Variants in ASGR1 observed in about 807,000 individuals in gnomAD.
The protein encoded by ASGR1 is asialoglycoprotein receptor 1.
Under a neutral mutation model 33.1 loss-of-function variants are expected in ASGR1, and 35 were observed. The observed-to-expected ratio is 1.06, with a 90% CI of 0.81 to 1.40. The LOEUF (loss-of-function observed/expected upper bound fraction) is 1.40, where lower values mean the gene tolerates loss of function less well. Among genes scored for constraint, ASGR1 ranks in the 40% most tolerant of loss-of-function variants. The pLI is 0.00. For missense variants in ASGR1, 396 were observed against 373.7 expected (o/e 1.06, Z -0.49); for synonymous variants, 142 against 152.5 (o/e 0.93, Z 0.51).
chr17:7,173,963 G>T lies in ASGR1; in HGVS notation c.699C>A (p.Phe233Leu). 1.9e-6 allele frequency: 3 copies of T among 1,614,184 alleles called. No homozygotes were observed. The highest frequency in any genetic ancestry group is 2.5e-6 in the Non-Finnish European group (3 of 1,179,982). The change falls in exon 8 of 9, where the codon TTC (phenylalanine) becomes TTA (leucine). Residue 233 changes from phenylalanine (F) to leucine (L), a missense_variant and splice_region_variant. Phe to Leu is a conservative substitution (Grantham distance 22, BLOSUM62 0). Transcript: ENST00000269299. This position sits in a 1 kb window ranked among gnomAD's most constrained non-coding sequence, Gnocchi z 4.7. ...GCCGAGGGAGGGCGCGCACTCACTT[G>T]AAGCCCGTCTCGTAGTCCGTCCCGT... Reference protein sequence around the residue: ...WVDGTDYETGFKNWRPEQPDD... With the variant: ...WVDGTDYETGLKNWRPEQPDD...
intron 5 of ASGR1, among the ~76,000 whole-genome samples, chr17:7,176,034 C>CCA (rs540248894): frequency 0.011 from 991 of 92,432 alleles, 9 homozygotes; most frequent in African/African-American, 0.037. Context: ...GTACACACAC[C>CCA]CACTCCCTCA....
Position 7,173,654 on chromosome 17 carries a change from ATAAAT to A in ASGR1, c.876_*4del. ...TGCGGCAGGTCGAGGCATTGAAGAA[ATAAAT>A]TAAAGGAGAGGTGGCTCCTGGCTGG... On this transcript the variant is annotated stop_lost and 3_prime_UTR_variant, in exon 9 of 9. Coordinates refer to ENST00000269299, the MANE Select transcript of ASGR1 (RefSeq NM_001671.5). This position sits in a 1 kb window ranked among gnomAD's most constrained non-coding sequence, Gnocchi z 4.7. 4 of 1,612,926 alleles carry A rather than the reference ATAAAT, an allele frequency of 2.5e-6. No homozygotes were observed. In the South Asian group the frequency reaches 3.3e-5, roughly 13 times the overall value.
chr17:7,173,469 T>G lies in ASGR1; in HGVS notation c.*190A>C. The G allele has an allele frequency of 1.4e-6, 1 of 736,532 alleles. No homozygotes were observed. The highest frequency in any genetic ancestry group is 2.8e-5 in the East Asian group (1 of 36,252). 45.6% of individuals were successfully genotyped at this position (736,532 alleles called of 1,614,324 possible). A position where few individuals can be genotyped will look rare whatever the true frequency, so the allele number is the denominator to read the frequency against. On this transcript the variant is annotated 3_prime_UTR_variant, in exon 9 of 9. Coordinates refer to ENST00000269299, the MANE Select transcript of ASGR1 (RefSeq NM_001671.5). The surrounding 1 kb of genome is among the most constrained non-coding windows in gnomAD (Gnocchi z 4.7). The stretch of plus-strand genomic sequence containing the variant: ...CTTTTTACTCTTAAAAAAAAAAAGT[T>G]CACAATGATAACCTGCAAACTGCAG...
intron 5 of ASGR1, chr17:7,176,509 A>G: frequency 2.2e-6 from 1 of 456,408 alleles, no homozygotes; most frequent in South Asian, 2.3e-5. Flanking sequence ...ACACTCAGAC[A>G]CACACCCCCT....
chr17:7,176,008 A>G (rs1003510204), intron 5 of ASGR1, among the ~76,000 whole-genome samples: 1 of 118,418 alleles, frequency 8.4e-6, no homozygotes, highest in Non-Finnish European at 1.6e-5. Flanking sequence ...TCACACATAA[A>G]CACAGACTCA....
In ASGR1 at chr17:7,173,528, G is replaced by C; in HGVS notation, c.*131C>G. On this transcript the variant is annotated 3_prime_UTR_variant, in exon 9 of 9. Coordinates refer to ENST00000269299, the MANE Select transcript of ASGR1 (RefSeq NM_001671.5). This position sits in a 1 kb window ranked among gnomAD's most constrained non-coding sequence, Gnocchi z 4.7. ...ACGGGTTTCAAGCTCCTCACCTTCG[G>C]AACATCACCCTATCCTTCCCCTTCC... 1 of 1,290,572 alleles carries C rather than the reference G, an allele frequency of 7.7e-7. No individual in the cohort carries two copies. The allele number at this position is 1,290,572 out of a possible 1,614,324, so 79.9% of individuals were successfully genotyped here. A position where few individuals can be genotyped will look rare whatever the true frequency, so the allele number is the denominator to read the frequency against.
chr17:7,176,722 CCT>C (rs1456082463), intron 5 of ASGR1, 106 bp downstream of exon 5: 33 of 1,464,392 alleles, frequency 2.3e-5, no homozygotes, highest in South Asian at 6.0e-5. Context: ...ACACACACTC[CCT>C]CTCATTCTCA....
chr17:7,176,680 T>TC (rs533646735), intron 5 of ASGR1, 150 bp downstream of exon 5: 4 of 1,119,620 alleles, frequency 3.6e-6, no homozygotes, highest in Non-Finnish European at 3.7e-6. Context: ...CAAAACACAC[T>TC]CCCCCTCATT....
Position 7,177,263 on chromosome 17 carries a change from G to C in ASGR1, c.134C>G (p.Ser45Cys), listed in dbSNP as rs1361300502. ...AAGCAGCAGGAGGCTGAGGCCCAGGGAGAGCAGGAGGAGGCGAGGTCCGGA... is the reference window on the plus strand; with the variant it reads ...AAGCAGCAGGAGGCTGAGGCCCAGGCAGAGCAGGAGGAGGCGAGGTCCGGA... ...LCSGPRLLLL[S>C]LGLSLLLLVV... The change falls in exon 3 of 9, where the codon TCC becomes TGC. Residue 45 changes from serine to cysteine, a missense_variant. Ser to Cys is a moderately radical substitution (Grantham distance 112). Coordinates refer to ENST00000269299, the MANE Select transcript of ASGR1 (RefSeq NM_001671.5). 12 of 1,613,652 alleles carry C rather than the reference G, an allele frequency of 7.4e-6. No individual in the cohort carries two copies. The highest frequency in any genetic ancestry group is 1.0e-5 in the Non-Finnish European group (12 of 1,179,962).
intron 2 of ASGR1, chr17:7,178,288 T>G (rs2069239549): frequency 5.1e-6 from 3 of 590,150 alleles, no homozygotes; most frequent in South Asian, 4.2e-5. Flanking sequence ...AGGAAAGCTT[T>G]GGGCACCTGT....
intron 5 of ASGR1, chr17:7,176,621 C>T: frequency 1.5e-6 from 1 of 653,064 alleles, no homozygotes. Context: ...CACAGACATA[C>T]ACACTCCCTC....
chr17:7,174,770 A>G (rs1252267949), intron 5 of ASGR1, among the ~76,000 whole-genome samples: 1 of 150,762 alleles, frequency 6.6e-6, no homozygotes, highest in Non-Finnish European at 1.5e-5. Flanking sequence ...ACAAAACACA[A>G]CACATACAAC....
chr17:7,178,362 T>A, intron 2 of ASGR1, 132 bp downstream of exon 2: 1 of 960,096 alleles, frequency 1.0e-6, no homozygotes, highest in Non-Finnish European at 1.7e-6. Flanking sequence ...TTCCGACACC[T>A]TTCCCAGTGT....
chr17:7,174,502 A>G (rs1200157272), intron 5 of ASGR1, 42 bp from the exon 6 acceptor site: 1 of 1,587,846 alleles, frequency 6.3e-7, no homozygotes, highest in East Asian at 2.3e-5. Flanking sequence ...AGATGCGGAA[A>G]CCACGGGGAG....
In ASGR1 at chr17:7,173,799, C is replaced by T. The variant is rs758885479; in HGVS notation, c.736G>A (p.Gly246Ser). 18 of 1,611,818 alleles carry T rather than the reference C, an allele frequency of 1.1e-5. No individual in the cohort carries two copies. In the East Asian group the frequency reaches 2.5e-4, roughly 22 times the overall value. Reference protein sequence around the residue: ...WRPEQPDDWYGHGLGGGEDCA... With the variant: ...WRPEQPDDWYSHGLGGGEDCA... ...TCCTCGCCTCCTCCGAGCCCGTGGC[C>T]GTACCAGTCGTCCGGCTGCTCCGGC... The change falls in exon 9 of 9, where the codon GGC becomes AGC. Residue 246 changes from glycine to serine, a missense_variant. Gly to Ser is a moderately conservative substitution (Grantham distance 56). Coordinates refer to ENST00000269299, the MANE Select transcript of ASGR1 (RefSeq NM_001671.5). This position sits in a 1 kb window ranked among gnomAD's most constrained non-coding sequence, Gnocchi z 4.7.
chr17:7,177,033 G>A lies in ASGR1; in HGVS notation c.231C>T (p.Phe77=), dbSNP rs1205054088. The change falls in exon 4 of 9, where the codon TTC becomes TTT. Residue 77 remains phenylalanine, a synonymous_variant. Transcript: ENST00000269299. ...CCTCCGTGCTCGCTGTGAAGTTGCTGAACGTCTCTCTCAGGCCCCGCAGCT... is the reference window on the plus strand; with the variant it reads ...CCTCCGTGCTCGCTGTGAAGTTGCTAAACGTCTCTCTCAGGCCCCGCAGCT... ...QEELRGLRET[F]SNFTASTEAQ... is the part of the protein sequence containing the mutation. The A allele has an allele frequency of 1.2e-6, 2 of 1,613,114 alleles. No individual in the cohort carries two copies. The highest frequency in any genetic ancestry group is 1.7e-6 in the Non-Finnish European group (2 of 1,179,946).
chr17:7,173,869 G>T lies in ASGR1; in HGVS notation c.702-36C>A. ...AGCCAGCTGTGGGCCCCAGGAGGTCGGATCCGCAGGCGGGTCGCTCCAGAC... is the reference window on the plus strand; with the variant it reads ...AGCCAGCTGTGGGCCCCAGGAGGTCTGATCCGCAGGCGGGTCGCTCCAGAC... On this transcript the variant is annotated intron_variant, in intron 8 of 8. Transcript: ENST00000269299. The surrounding 1 kb of genome is among the most constrained non-coding windows in gnomAD (Gnocchi z 4.7). 2 of 1,607,024 alleles carry T rather than the reference G, an allele frequency of 1.2e-6. No individual in the cohort carries two copies. Among genetic ancestry groups the T allele is most frequent in the South Asian group, 2.2e-5 (2 of 90,924 alleles).
In ASGR1 at chr17:7,178,580, G is replaced by T; in HGVS notation, c.-17C>A. On this transcript the variant is annotated 5_prime_UTR_variant, in exon 2 of 9. Transcript: ENST00000269299. Reference sequence around the variant, plus strand: ...CTTGGTCATGATAGGGCTGGCGCTGGACCTGGGACTGAGTCAAGACTGAGG... The same window carrying T: ...CTTGGTCATGATAGGGCTGGCGCTGTACCTGGGACTGAGTCAAGACTGAGG... 6.2e-7 allele frequency: 1 copy of T among 1,612,710 alleles called. No individual in the cohort carries two copies. Among genetic ancestry groups the T allele is most frequent in the East Asian group, 2.2e-5 (1 of 44,858 alleles).
intron 5 of ASGR1, among the ~76,000 whole-genome samples, 191 bp from the exon 6 acceptor site, chr17:7,174,651 C>T (rs1452342573): frequency 6.6e-6 from 1 of 150,668 alleles, no homozygotes; most frequent in Non-Finnish European, 1.5e-5. Flanking sequence ...ACAACACACC[C>T]TTACACACAC....
Sources: allele counts gnomAD v4.1 joint callset (sites outside exome capture counted in the v4.1 genomes callset), GRCh38; gene constraint gnomAD v4.1.1; non-coding constraint Gnocchi (gnomAD v3.1); transcripts MANE v1.5; gene names NCBI Gene and HGNC (gene_info 2026-07-23, HGNC 2026-07-21).